Variants in AMPH observed in about 807,000 individuals in gnomAD.
The protein encoded by AMPH is amphiphysin (Stiff-Mann syndrome with breast cancer 128kD autoantigen).
A neutral mutation model predicts 99.1 loss-of-function variants in AMPH; 49 were observed. That is an observed-to-expected ratio of 0.49 (90% confidence interval 0.39 to 0.63). The LOEUF (loss-of-function observed/expected upper bound fraction) is 0.63. AMPH is among the 20% of genes least tolerant of loss of function. The pLI is 0.00. For missense variants in AMPH, 759 were observed against 863.4 expected (o/e 0.88, Z 1.52); for synonymous variants, 314 against 317.3 (o/e 0.99, Z 0.11).
At chr7:38,612,188 T>C (rs1349469511) in intron 1 of AMPH, among the ~76,000 whole-genome samples, 3 of 147,644 alleles carry the variant, frequency 2.0e-5, no homozygotes, top group Admixed American at 6.8e-5. Flanking sequence ...GTGATTCTCC[T>C]GCCTCAGCCT....
chr7:38,540,521 T>C (rs1335621035), intron 1 of AMPH, among the ~76,000 whole-genome samples: 1 of 151,716 alleles, frequency 6.6e-6, no homozygotes, highest in Non-Finnish European at 1.5e-5. Context: ...TTGCCTTCTC[T>C]TACCATTTTA....
At chr7:38,412,229 T>C (rs116702395) in intron 17 of AMPH, among the ~76,000 whole-genome samples, 1,845 of 152,312 alleles carry the variant, frequency 0.012, 42 homozygotes, top group African/African-American at 0.042. Context: ...TTAATTTTAT[T>C]TTATGTGAAT....
chr7:38,403,234 G>T (rs1784891492), intron 17 of AMPH, among the ~76,000 whole-genome samples: 1 of 152,202 alleles, frequency 6.6e-6, no homozygotes, highest in Non-Finnish European at 1.5e-5. Context: ...AGCTACGAGA[G>T]TCTGGCAGAG....
At chr7:38,583,253 A>G (rs781751392) in intron 1 of AMPH, among the ~76,000 whole-genome samples, 2 of 152,228 alleles carry the variant, frequency 1.3e-5, no homozygotes, top group Non-Finnish European at 2.9e-5. Context: ...TAGTTCAGTG[A>G]CTTTGGCAAC....
chr7:38,429,480 A>G (rs1262445751), intron 14 of AMPH: 2 of 1,318,370 alleles, frequency 1.5e-6, no homozygotes, highest in South Asian at 1.2e-5. Flanking sequence ...AAATGCACCT[A>G]TATCATTTTG....
intron 16 of AMPH, among the ~76,000 whole-genome samples, chr7:38,418,182 C>G (rs1240312797): frequency 6.6e-6 from 1 of 152,126 alleles, no homozygotes; most frequent in Non-Finnish European, 1.5e-5. Flanking sequence ...ACTGTCATTT[C>G]CCTTGAAGTC....
At chr7:38,601,382 C>T (rs945226111) in intron 1 of AMPH, among the ~76,000 whole-genome samples, 1 of 152,194 alleles carries the variant, frequency 6.6e-6, no homozygotes, top group African/African-American at 2.4e-5. Context: ...GGAGATAAGG[C>T]CAAAGACCTC....
chr7:38,444,347 A>T (rs1786675807), intron 11 of AMPH, among the ~76,000 whole-genome samples: 1 of 152,156 alleles, frequency 6.6e-6, no homozygotes, highest in Non-Finnish European at 1.5e-5. Flanking sequence ...TGTGTCCTTA[A>T]CTGACAACAG....
chr7:38,414,134 T>C (rs1354203418), intron 17 of AMPH, among the ~76,000 whole-genome samples: 1 of 152,242 alleles, frequency 6.6e-6, no homozygotes, highest in Non-Finnish European at 1.5e-5. Context: ...ATGCATTCTG[T>C]TCAGACAGAA....
intron 2 of AMPH, among the ~76,000 whole-genome samples, chr7:38,518,885 C>T (rs1456488061): frequency 6.6e-6 from 1 of 152,206 alleles, no homozygotes; most frequent in African/African-American, 2.4e-5. Context: ...GTTTGAACAT[C>T]CCTGCCAAAA....
intron 1 of AMPH, among the ~76,000 whole-genome samples, chr7:38,560,881 T>C (rs1045903813): frequency 2.6e-5 from 4 of 152,228 alleles, no homozygotes. Flanking sequence ...CTGGCTATTT[T>C]ATTTTCTAGA....
At chr7:38,419,799 G>A (rs1785519655) in intron 16 of AMPH, among the ~76,000 whole-genome samples, 2 of 152,256 alleles carry the variant, frequency 1.3e-5, no homozygotes, top group Middle Eastern at 3.4e-3. Flanking sequence ...AAGTAAGATC[G>A]AAGCCAGATG....
chr7:38,611,377 A>T (rs535551692), intron 1 of AMPH, among the ~76,000 whole-genome samples: 1 of 152,336 alleles, frequency 6.6e-6, no homozygotes, highest in East Asian at 1.9e-4. Context: ...AGTTCCAGAG[A>T]TCTGCTGTCC....
chr7:38,458,820 C>A (rs974088456), intron 11 of AMPH, among the ~76,000 whole-genome samples: 1 of 152,054 alleles, frequency 6.6e-6, no homozygotes, highest in African/African-American at 2.4e-5. Context: ...GATAAGGATG[C>A]CCACTTTCAC....
chr7:38,571,280 T>TA (rs1562835243), intron 1 of AMPH, among the ~76,000 whole-genome samples: 2,835 of 37,010 alleles, frequency 0.077, 305 homozygotes, highest in African/African-American at 0.24. Flanking sequence ...TATATATATT[T>TA]TTATATATAT....
chr7:38,393,663 T>C (rs1465142120), intron 18 of AMPH, among the ~76,000 whole-genome samples: 2 of 151,234 alleles, frequency 1.3e-5, no homozygotes, highest in African/African-American at 4.8e-5. Context: ...CTGGGCTGAG[T>C]GCTCACTTCA....
At position 38,422,433 on chromosome 7, in the gene AMPH, C is replaced by T; in HGVS notation, c.1260G>A (p.Met420Ile). The T allele has an allele frequency of 6.2e-7, 1 of 1,613,428 alleles. No homozygotes were observed. Among genetic ancestry groups the T allele is most frequent in the Non-Finnish European group, 8.5e-7 (1 of 1,179,632 alleles). The change falls in exon 16 of 21, where the codon ATG becomes ATA. Residue 420 changes from methionine to isoleucine, a missense_variant. Physicochemically the swap from Met to Ile is conservative, Grantham distance 10 (BLOSUM62 1). Around this residue, in one of 2 missense-constraint regions of AMPH, gnomAD observed 554 missense variants for 575.6 expected, o/e 0.96. Transcript: ENST00000356264. ...CAAATCAACTTACCAAGTTGCAGATCATACTCTGGTCTGTCTGCATTGTGA... is the reference window on the plus strand; with the variant it reads ...CAAATCAACTTACCAAGTTGCAGATTATACTCTGGTCTGTCTGCATTGTGA... Reference protein sequence around the residue: ...SLFTMQTDQSMICNLAESEQA... With the variant: ...SLFTMQTDQSIICNLAESEQA...
At chr7:38,630,658 A>T (rs553680289) in intron 1 of AMPH, among the ~76,000 whole-genome samples, 1 of 152,332 alleles carries the variant, frequency 6.6e-6, no homozygotes, top group South Asian at 2.1e-4. Flanking sequence ...ACCAAAATTA[A>T]AAGTGTGTAT....
rs897572355 is a variant in AMPH, at chr7:38,494,593, C to A, written c.206-66G>T. On this transcript the variant is annotated intron_variant, in intron 3 of 20. Transcript: ENST00000356264. ...GTGAGGATTCTCTTCTCCCTTCCTCCACTTTCTTAAGTGAGAGAAAAATAT... is the reference window on the plus strand; with the variant it reads ...GTGAGGATTCTCTTCTCCCTTCCTCAACTTTCTTAAGTGAGAGAAAAATAT... 4 of 1,427,972 alleles carry A rather than the reference C, an allele frequency of 2.8e-6. No individual in the cohort carries two copies. In the African/African-American group the frequency reaches 5.6e-5, roughly 20 times the overall value. 88.5% of individuals were successfully genotyped at this position (1,427,972 alleles called of 1,614,324 possible). A position where few individuals can be genotyped will look rare whatever the true frequency, so the allele number is the denominator to read the frequency against.
Sources: gnomAD v4.1 joint callset for allele counts (sites outside exome capture counted in the v4.1 genomes callset) on GRCh38, gnomAD v4.1.1 for gene constraint, gnomAD v4.1.1 regional missense constraint, MANE v1.5 for transcripts, NCBI Gene and HGNC (gene_info 2026-07-23, HGNC 2026-07-21) for gene names.